MTHFD1L: variants seen among roughly 807,000 people sequenced by gnomAD.
The protein encoded by MTHFD1L is monofunctional C1-tetrahydrofolate synthase, mitochondrial.
MTHFD1L carries 81 observed loss-of-function variants against 119.5 expected under a neutral mutation model. The observed-to-expected ratio is 0.68, with a 90% CI of 0.57 to 0.82. The LOEUF is 0.82. Among genes scored for constraint, MTHFD1L ranks in the 40% least tolerant of loss-of-function variants. MTHFD1L has a pLI of 0.00. For synonymous variants in MTHFD1L, 430 were observed against 475.2 expected (o/e 0.90, Z 1.24); for missense variants, 1,125 against 1,253.4 (o/e 0.90, Z 1.55).
At chr6:150,905,058 G>A (rs1415952300) in intron 7 of MTHFD1L, among the ~76,000 whole-genome samples, 1 of 24,696 alleles carries the variant, frequency 4.0e-5, no homozygotes. Flanking sequence ...TTTTTTTTTT[G>A]AGACAGGGTC....
At chr6:151,004,686 C>T (rs1584074105) in intron 20 of MTHFD1L, among the ~76,000 whole-genome samples, 4 of 152,178 alleles carry the variant, frequency 2.6e-5, no homozygotes, top group Admixed American at 2.6e-4. Context: ...CAACTCAGAC[C>T]CACTGACCCT....
At position 151,096,699 on chromosome 6, in the gene MTHFD1L, G is replaced by A. The variant is rs115324175; in HGVS notation, c.*31+4112G>A. ...CCGTAGATGGTGTGCATACCCAGGT[G>A]CGGAGCAGCACACTCATTATTCCCC... On this transcript the variant is annotated intron_variant, in intron 27 of 27. Coordinates refer to ENST00000367321, the MANE Select transcript of MTHFD1L (RefSeq NM_015440.5). 3.6e-3 allele frequency among the ~76,000 whole-genome samples: 552 copies of A among 152,356 alleles called. 10 individuals are homozygous for A. The highest frequency in any genetic ancestry group is 0.013 in the African/African-American group (525 of 41,584).
At chr6:151,063,332 GTC>G (rs995479986) in intron 26 of MTHFD1L, among the ~76,000 whole-genome samples, 1 of 152,088 alleles carries the variant, frequency 6.6e-6, no homozygotes, top group Non-Finnish European at 1.5e-5. Flanking sequence ...CATTTGTGTA[GTC>G]TCTCTCTCTA....
intron 26 of MTHFD1L, among the ~76,000 whole-genome samples, chr6:151,059,051 G>A (rs1044003854): frequency 6.6e-6 from 1 of 152,098 alleles, no homozygotes; most frequent in Non-Finnish European, 1.5e-5. Context: ...GCAGGCTGGA[G>A]CAGTGGTAAG....
chr6:150,983,052 A>C (rs1347821055), intron 20 of MTHFD1L, among the ~76,000 whole-genome samples: 1 of 152,128 alleles, frequency 6.6e-6, no homozygotes, highest in Non-Finnish European at 1.5e-5. Context: ...ATGGTAGTTC[A>C]TTATAGTTGT....
At chr6:150,954,670 C>CAA (rs1025318719) in intron 16 of MTHFD1L, among the ~76,000 whole-genome samples, 1 of 141,176 alleles carries the variant, frequency 7.1e-6, no homozygotes, top group African/African-American at 2.6e-5. Context: ...GCCTGCATGA[C>CAA]AAAAAAAAAA....
At chr6:150,976,823 A>G (rs958926536) in intron 20 of MTHFD1L, among the ~76,000 whole-genome samples, 2 of 116,098 alleles carry the variant, frequency 1.7e-5, no homozygotes, top group African/African-American at 9.0e-5. Context: ...AAATAATCCA[A>G]TACAAAAATA....
In MTHFD1L at chr6:150,920,939, ATTTTT is replaced by A. The variant is rs869169480; in HGVS notation, c.985-1241_985-1237del. On this transcript the variant is annotated intron_variant, in intron 9 of 27. Coordinates refer to ENST00000367321, the MANE Select transcript of MTHFD1L (RefSeq NM_015440.5). The stretch of plus-strand genomic sequence containing the variant: ...AGGCACATGCCACCACACCCAGATA[ATTTTT>A]TTTTTTTTTTTTTTTTTTTTTTTTG... Among the ~76,000 whole-genome samples, 81 of 96,860 alleles carry A rather than the reference ATTTTT, an allele frequency of 8.4e-4. 7 individuals are homozygous for A. In the East Asian group the frequency reaches 0.022, roughly 26 times the overall value. The allele number at this position is 96,860 out of a possible 152,430, so 63.5% of individuals were successfully genotyped here. A position where few individuals can be genotyped will look rare whatever the true frequency, so the allele number is the denominator to read the frequency against.
At chr6:150,933,461 T>C (rs576531914) in intron 11 of MTHFD1L, among the ~76,000 whole-genome samples, 1 of 152,080 alleles carries the variant, frequency 6.6e-6, no homozygotes, top group African/African-American at 2.4e-5. Flanking sequence ...GAAGTATTAA[T>C]ATCTTTGTAT....
intron 25 of MTHFD1L, among the ~76,000 whole-genome samples, chr6:151,035,677 T>C (rs534780560): frequency 0.012 from 1,795 of 152,312 alleles, 29 homozygotes; most frequent in African/African-American, 0.04. Context: ...TGTTTTTTTT[T>C]CCGTGAGTTT....
intron 11 of MTHFD1L, chr6:150,934,943 T>A: frequency 1.4e-5 from 22 of 1,520,326 alleles, no homozygotes; most frequent in Non-Finnish European, 1.9e-5. Context: ...GCATTTCAAT[T>A]TGGGACATTT....
At chr6:151,079,839 T>C (rs1248704969) in intron 26 of MTHFD1L, among the ~76,000 whole-genome samples, 1 of 151,328 alleles carries the variant, frequency 6.6e-6, no homozygotes, top group Admixed American at 6.6e-5. Context: ...TGTGATCTCT[T>C]AAGCCAGCAC....
At chr6:150,885,471 C>A (rs1481597232) in intron 5 of MTHFD1L, among the ~76,000 whole-genome samples, 163 bp from the exon 6 acceptor site, 1 of 152,210 alleles carries the variant, frequency 6.6e-6, no homozygotes, top group African/African-American at 2.4e-5. Context: ...GCTGGGATTA[C>A]AGGCGTGAGC....
intron 20 of MTHFD1L, among the ~76,000 whole-genome samples, chr6:150,985,390 T>C (rs949410579): frequency 1.3e-5 from 2 of 152,026 alleles, no homozygotes; most frequent in African/African-American, 2.4e-5. Context: ...AAACTCTCCT[T>C]TGAGGTCGGG....
chr6:151,048,481 A>G (rs1788456962), intron 26 of MTHFD1L, among the ~76,000 whole-genome samples: 1 of 152,094 alleles, frequency 6.6e-6, no homozygotes. Context: ...CTAGGAGCCA[A>G]CTAAATGTGC....
At position 150,905,738 on chromosome 6, in the gene MTHFD1L, A is replaced by G. The variant is rs1345839358; in HGVS notation, c.869A>G (p.Asn290Ser). 15 of 1,613,972 alleles carry G rather than the reference A, an allele frequency of 9.3e-6. No individual in the cohort carries two copies. Among genetic ancestry groups the G allele is most frequent in the African/African-American group, 6.7e-5 (5 of 75,040 alleles). The change falls in exon 8 of 28, where the codon AAC becomes AGC. Residue 290 changes from asparagine to serine, a missense_variant. Coordinates refer to ENST00000367321, the MANE Select transcript of MTHFD1L (RefSeq NM_015440.5). ...ATACAACCAGGAACTACTGTTCTCA[A>G]CTGCTCCCATGACTTCCTGTCAGGT... is the stretch of plus-strand genomic sequence containing the variant. ...TWIQPGTTVL[N>S]CSHDFLSGKV...
intron 10 of MTHFD1L, among the ~76,000 whole-genome samples, chr6:150,922,705 G>GCGAT (rs1789193691): frequency 7.0e-6 from 1 of 142,146 alleles, no homozygotes; most frequent in Non-Finnish European, 1.5e-5. Flanking sequence ...GTGCAATGGT[G>GCGAT]CGATCTCGGC....
At chr6:151,009,322 C>T (rs1253917139) in intron 20 of MTHFD1L, among the ~76,000 whole-genome samples, 2 of 151,926 alleles carry the variant, frequency 1.3e-5, no homozygotes, top group Non-Finnish European at 2.9e-5. Flanking sequence ...ATCACAAGGT[C>T]AGGAGTTTGA....
intron 20 of MTHFD1L, among the ~76,000 whole-genome samples, chr6:151,002,088 C>A (rs1780699970): frequency 6.6e-6 from 1 of 152,146 alleles, no homozygotes; most frequent in Non-Finnish European, 1.5e-5. Context: ...TTGTTAAATG[C>A]TGGAGTATTA....
Sources: gnomAD v4.1 joint callset for allele counts (sites outside exome capture counted in the v4.1 genomes callset) on GRCh38, gnomAD v4.1.1 for gene constraint, MANE v1.5 for transcripts, NCBI Gene and HGNC (gene_info 2026-07-23, HGNC 2026-07-21) for gene names.